Variants in NRXN3 observed in about 807,000 individuals in gnomAD.
NRXN3 encodes neurexin 3, also known as neurexin III.
A neutral mutation model predicts 137.6 loss-of-function variants in NRXN3; 32 were observed. The observed-to-expected ratio is 0.23, with a 90% CI of 0.18 to 0.31. NRXN3 has a LOEUF of 0.31. NRXN3 is among the 10% of genes least tolerant of loss of function. The probability of loss-of-function intolerance (pLI) is 1.00; values close to 1 mark genes in which losing one functional copy is unlikely to be tolerated. For missense variants in NRXN3, 1,574 were observed against 2,062.5 expected (o/e 0.76, Z 4.59); for synonymous variants, 798 against 784.5 (o/e 1.02, Z -0.29).
At chr14:78,807,751 AAAAAG>A (rs1300792699) in intron 9 of NRXN3, among the ~76,000 whole-genome samples, 2 of 122,842 alleles carry the variant, frequency 1.6e-5, no homozygotes, top group African/African-American at 6.0e-5. Context: ...AAAAAAAAAA[AAAAAG>A]AAAGAAAAGA....
chr14:78,819,329 T>A (rs2153120817), intron 10 of NRXN3, among the ~76,000 whole-genome samples: 1 of 152,124 alleles, frequency 6.6e-6, no homozygotes, highest in African/African-American at 2.4e-5. Flanking sequence ...AACAAAAAAA[T>A]TGAAAATAAT....
intron 2 of NRXN3, among the ~76,000 whole-genome samples, chr14:78,251,550 G>A (rs962161037): frequency 3.9e-5 from 6 of 152,182 alleles, no homozygotes; most frequent in African/African-American, 1.4e-4. Flanking sequence ...CTGGGTGTAT[G>A]TGTGATTTCA....
chr14:78,562,019 T>A (rs1422344907), intron 4 of NRXN3, among the ~76,000 whole-genome samples: 1 of 152,196 alleles, frequency 6.6e-6, no homozygotes, highest in Non-Finnish European at 1.5e-5. Flanking sequence ...CATTCTGTCA[T>A]CAAGATTAAG....
chr14:78,638,307 T>A (rs1352901064), intron 4 of NRXN3, among the ~76,000 whole-genome samples: 1 of 152,000 alleles, frequency 6.6e-6, no homozygotes. Flanking sequence ...GGCGACACAA[T>A]TTCCCGTCTG....
chr14:78,415,851 A>G (rs2093107022), intron 4 of NRXN3, among the ~76,000 whole-genome samples: 1 of 151,840 alleles, frequency 6.6e-6, no homozygotes, highest in South Asian at 2.1e-4. Flanking sequence ...TGGGAGGACA[A>G]ATCCAGAAAC....
At chr14:78,616,825 G>A (rs1230160742) in intron 4 of NRXN3, among the ~76,000 whole-genome samples, 1 of 152,148 alleles carries the variant, frequency 6.6e-6, no homozygotes, top group Non-Finnish European at 1.5e-5. Flanking sequence ...ATGCAATCTG[G>A]CATATAGTAA....
chr14:78,667,698 G>T (rs1028909066), intron 6 of NRXN3, among the ~76,000 whole-genome samples: 5 of 152,122 alleles, frequency 3.3e-5, no homozygotes, highest in African/African-American at 1.2e-4. Flanking sequence ...ACTCACTCAT[G>T]GATAAATATG....
At chr14:79,759,792 G>T (rs555190003) in intron 19 of NRXN3, among the ~76,000 whole-genome samples, 2 of 151,754 alleles carry the variant, frequency 1.3e-5, no homozygotes, top group South Asian at 4.1e-4. Flanking sequence ...ACACACATAA[G>T]AAATTCATTT....
chr14:78,297,634 G>A (rs1395289576), intron 3 of NRXN3, among the ~76,000 whole-genome samples, 197 bp from the exon 4 acceptor site: 1 of 152,186 alleles, frequency 6.6e-6, no homozygotes, highest in African/African-American at 2.4e-5. Context: ...GGAAGGCTGG[G>A]GTGTCCATGT....
intron 8 of NRXN3, among the ~76,000 whole-genome samples, chr14:78,727,594 G>C (rs2098491873): frequency 2.0e-5 from 3 of 152,162 alleles, no homozygotes; most frequent in African/African-American, 7.2e-5. Flanking sequence ...AATTAGCCAG[G>C]CATGGTGGTG....
chr14:79,348,492 C>T (rs1397617093), intron 15 of NRXN3, among the ~76,000 whole-genome samples: 1 of 151,920 alleles, frequency 6.6e-6, no homozygotes, highest in Admixed American at 6.5e-5. Flanking sequence ...TTTCCTGCCT[C>T]AGCCTCCTGA....
chr14:79,520,860 G>A (rs567312148), intron 16 of NRXN3, among the ~76,000 whole-genome samples: 39 of 152,206 alleles, frequency 2.6e-4, no homozygotes, highest in African/African-American at 7.7e-4. Flanking sequence ...ACAGTGTGGC[G>A]ATTCCTCAAG....
intron 10 of NRXN3, among the ~76,000 whole-genome samples, chr14:78,943,787 G>A (rs962982831): frequency 6.6e-5 from 10 of 150,448 alleles, no homozygotes; most frequent in Admixed American, 2.0e-4. Context: ...TGTGGATTAA[G>A]CTTATAAGGA....
chr14:79,221,744 C>T (rs2069740887), intron 15 of NRXN3, among the ~76,000 whole-genome samples: 1 of 152,166 alleles, frequency 6.6e-6, no homozygotes, highest in African/African-American at 2.4e-5. Context: ...TGTGCAGAAG[C>T]TCTTTAGTTT....
intron 15 of NRXN3, among the ~76,000 whole-genome samples, chr14:79,359,404 T>G (rs2093605763): frequency 6.6e-6 from 1 of 152,054 alleles, no homozygotes; most frequent in Non-Finnish European, 1.5e-5. Context: ...ATGCAACGCA[T>G]TTTAGAGTAG....
intron 1 of NRXN3, among the ~76,000 whole-genome samples, chr14:78,196,200 G>T (rs2061216120): frequency 6.6e-6 from 1 of 152,230 alleles, no homozygotes; most frequent in Non-Finnish European, 1.5e-5. Context: ...CTTTGTCCAT[G>T]TCTGGCGGTC....
intron 16 of NRXN3, among the ~76,000 whole-genome samples, chr14:79,628,766 C>T: frequency 6.6e-6 from 1 of 152,056 alleles, no homozygotes; most frequent in East Asian, 1.9e-4. Flanking sequence ...TCTTACAGTC[C>T]CAGGAAAAGA....
At chr14:78,523,552 C>A (rs1038424178) in intron 4 of NRXN3, among the ~76,000 whole-genome samples, 4 of 149,920 alleles carry the variant, frequency 2.7e-5, no homozygotes, top group African/African-American at 9.8e-5. Flanking sequence ...GTAATCCCAG[C>A]ACTTTGGGAG....
intron 2 of NRXN3, among the ~76,000 whole-genome samples, chr14:78,247,049 C>T (rs2067794874): frequency 1.3e-5 from 2 of 152,178 alleles, no homozygotes; most frequent in Non-Finnish European, 2.9e-5. Context: ...GTTCAAAGAG[C>T]AGGGAGAGCT....
Sources: allele counts gnomAD v4.1 joint callset (sites outside exome capture counted in the v4.1 genomes callset), GRCh38; gene constraint gnomAD v4.1.1; transcripts MANE v1.5; gene names NCBI Gene and HGNC (gene_info 2026-07-23, HGNC 2026-07-21).